TRAK2: variants seen among roughly 807,000 people sequenced by gnomAD.
TRAK2 encodes the protein trafficking kinesin protein 2, also known as trafficking kinesin-binding protein 2.
In TRAK2, 81 loss-of-function variants were observed where a neutral mutation model predicts 104.6. The observed-to-expected ratio is 0.77, with a 90% confidence interval of 0.65 to 0.93. The LOEUF is 0.93. Among genes scored for constraint, TRAK2 ranks in the 40% least tolerant of loss-of-function variants. TRAK2 has a pLI of 0.00. For missense variants in TRAK2, 1,002 were observed against 1,089.0 expected (o/e 0.92, Z 1.12); for synonymous variants, 406 against 394.4 (o/e 1.03, Z -0.35).
At chr2:201,427,874 G>A (rs1433767372) in intron 1 of TRAK2, among the ~76,000 whole-genome samples, 1 of 152,178 alleles carries the variant, frequency 6.6e-6, no homozygotes, top group African/African-American at 2.4e-5. Flanking sequence ...TTTAACTGGT[G>A]TGAGATGGTA....
At chr2:201,428,724 TGGG>T (rs1020563380) in intron 1 of TRAK2, among the ~76,000 whole-genome samples, 1 of 152,216 alleles carries the variant, frequency 6.6e-6, no homozygotes, top group Non-Finnish European at 1.5e-5. Context: ...GGTAGCTTGA[TGGG>T]GATGGCATTG....
chr2:201,382,882 C>T (rs534793706), intron 15 of TRAK2, among the ~76,000 whole-genome samples: 1 of 152,278 alleles, frequency 6.6e-6, no homozygotes, highest in South Asian at 2.1e-4. Context: ...GTACAATTTG[C>T]ACACTAGCTT....
At position 201,384,016 on chromosome 2, in the gene TRAK2, T is replaced by A. The variant is rs1951366193; in HGVS notation, c.2069+95A>T. The A allele has an allele frequency of 2.2e-5, 17 of 785,846 alleles. No individual in the cohort carries two copies. The South Asian group carries it at 2.7e-4, about 13-fold the overall frequency. The allele number at this position is 785,846 out of a possible 1,614,324, so 48.7% of individuals were successfully genotyped here. A position where few individuals can be genotyped will look rare whatever the true frequency, so the allele number is the denominator to read the frequency against. ...CATTATCACAGAACATTAATTAACA[T>A]TCTGGAAATTAAAATGAAGGTAATT... On this transcript the variant is annotated intron_variant, in intron 15 of 15. Coordinates refer to ENST00000332624, the MANE Select transcript of TRAK2 (RefSeq NM_015049.3).
At chr2:201,431,818 C>T (rs1384809212) in intron 1 of TRAK2, among the ~76,000 whole-genome samples, 1 of 152,184 alleles carries the variant, frequency 6.6e-6, no homozygotes, top group East Asian at 1.9e-4. Context: ...AGCCCCACCA[C>T]TTACTGGTTG....
chr2:201,444,178 G>A (rs1003138137), intron 1 of TRAK2, among the ~76,000 whole-genome samples: 22 of 152,002 alleles, frequency 1.4e-4, no homozygotes, highest in Non-Finnish European at 2.2e-4. Context: ...TCCAGCCTGG[G>A]TGACAGAGTG....
intron 1 of TRAK2, among the ~76,000 whole-genome samples, chr2:201,421,020 T>G (rs1179588084): frequency 6.6e-6 from 1 of 152,212 alleles, no homozygotes; most frequent in East Asian, 1.9e-4. Flanking sequence ...TTATTTTGAC[T>G]GTGGTGATGG....
intron 2 of TRAK2, among the ~76,000 whole-genome samples, chr2:201,408,008 C>T (rs1314810128): frequency 6.6e-6 from 1 of 152,166 alleles, no homozygotes; most frequent in Non-Finnish European, 1.5e-5. Context: ...CAAAATCCTA[C>T]CTTTTATCTA....
rs962296720 is a variant in TRAK2 at position 201,379,491 on chromosome 2, G to C, written c.*1052C>G. The C allele has an allele frequency of 1.3e-5, 2 of 152,604 alleles. No individual in the cohort carries two copies. The highest frequency in any genetic ancestry group is 4.8e-5 in the African/African-American group (2 of 41,452). The allele number at this position is 152,604 out of a possible 1,614,324, so 9.5% of individuals were successfully genotyped here. Reference sequence around the variant, plus strand: ...CAGTTTACAATAATTTAATGTGCCTGAGAATTTTTGTGCAAATACATGTCA... The same window carrying C: ...CAGTTTACAATAATTTAATGTGCCTCAGAATTTTTGTGCAAATACATGTCA... On this transcript the variant is annotated 3_prime_UTR_variant, in exon 16 of 16. Transcript: ENST00000332624.
intron 2 of TRAK2, chr2:201,419,069 A>T (rs981193498): frequency 2.0e-5 from 3 of 152,234 alleles, no homozygotes; most frequent in Admixed American, 2.0e-4. Flanking sequence ...TTGAATAAAC[A>T]ACTCAAAATA....
At chr2:201,410,832 G>T (rs1295263130) in intron 2 of TRAK2, 2 of 1,606,376 alleles carry the variant, frequency 1.2e-6, no homozygotes, top group South Asian at 2.2e-5. Flanking sequence ...ACATATCTGT[G>T]GGTCTTTGTT....
At chr2:201,442,897 T>C (rs55724588) in intron 1 of TRAK2, among the ~76,000 whole-genome samples, 9,981 of 152,270 alleles carry the variant, frequency 0.066, 411 homozygotes, top group African/African-American at 0.11. Context: ...ACTTACTTTT[T>C]ATTATATACC....
intron 13 of TRAK2, among the ~76,000 whole-genome samples, chr2:201,387,402 A>C (rs758061547): frequency 6.6e-6 from 1 of 152,192 alleles, no homozygotes; most frequent in African/African-American, 2.4e-5. Context: ...CTAACCATGG[A>C]AACTGCTGTC....
chr2:201,397,938 T>C, intron 6 of TRAK2: 6 of 576,376 alleles, frequency 1.0e-5, no homozygotes, highest in Non-Finnish European at 1.8e-5. Context: ...TGACTTTCAC[T>C]ATTGTACTGT....
chr2:201,441,986 C>G (rs527818195), intron 1 of TRAK2, among the ~76,000 whole-genome samples: 23 of 151,700 alleles, frequency 1.5e-4, no homozygotes, highest in Non-Finnish European at 7.4e-5. Context: ...GCCACTGTGC[C>G]CGGCCGATGG....
intron 12 of TRAK2, among the ~76,000 whole-genome samples, chr2:201,388,329 A>G (rs762675254): frequency 2.6e-5 from 4 of 152,208 alleles, no homozygotes; most frequent in Non-Finnish European, 4.4e-5. Flanking sequence ...AGTAAATATT[A>G]TATTTTGCTG....
At chr2:201,423,037 C>CCACCACA (rs776613893) in intron 1 of TRAK2, among the ~76,000 whole-genome samples, 83 of 134,226 alleles carry the variant, frequency 6.2e-4, no homozygotes, top group African/African-American at 1.9e-3. Context: ...AACACCACCA[C>CCACCACA]CACACACACA....
chr2:201,430,081 T>C (rs2125658490), intron 1 of TRAK2, among the ~76,000 whole-genome samples: 1 of 152,340 alleles, frequency 6.6e-6, no homozygotes, highest in South Asian at 2.1e-4. Flanking sequence ...TGTTGGAGTT[T>C]GCTGAAGGTC....
At chr2:201,384,464 G>GA (rs1397300659) in intron 14 of TRAK2, among the ~76,000 whole-genome samples, 2 of 151,266 alleles carry the variant, frequency 1.3e-5, no homozygotes, top group African/African-American at 2.4e-5. Flanking sequence ...TGAGAAAACT[G>GA]AAAAAATACA....
chr2:201,389,157 G>T, intron 12 of TRAK2, 143 bp downstream of exon 12: 1 of 804,058 alleles, frequency 1.2e-6, no homozygotes, highest in Non-Finnish European at 2.0e-6. Context: ...CATGAATAAT[G>T]ATACAAGGCA....
Sources: gnomAD v4.1 joint callset for allele counts (sites outside exome capture counted in the v4.1 genomes callset) on GRCh38, gnomAD v4.1.1 for gene constraint, MANE v1.5 for transcripts, NCBI Gene and HGNC (gene_info 2026-07-23, HGNC 2026-07-21) for gene names.